Variants in DNAJC5B observed in about 807,000 individuals in gnomAD.
The protein encoded by DNAJC5B is DnaJ heat shock protein family (Hsp40) member C5 beta.
DNAJC5B carries 23 observed loss-of-function variants against 24.7 expected under a neutral mutation model. That is an observed-to-expected ratio of 0.93 (90% CI 0.67 to 1.32). DNAJC5B has a LOEUF of 1.32. Ranked by LOEUF, DNAJC5B falls within the 40% of genes most tolerant of loss-of-function variation. The pLI, the probability that DNAJC5B is intolerant of heterozygous loss-of-function variation, is 0.00. For synonymous variants in DNAJC5B, 101 were observed against 90.1 expected, an observed-to-expected ratio of 1.12 and a Z score of -0.68; for missense variants, 238 against 240.8, an observed-to-expected ratio of 0.99 and a Z score of 0.08.
chr8:66,040,230 A>T (rs1806578687), intron 1 of DNAJC5B, among the ~76,000 whole-genome samples: 1 of 150,962 alleles, frequency 6.6e-6, no homozygotes, highest in South Asian at 2.1e-4. Context: ...TCTCTATTAA[A>T]ATACAAAAAA....
chr8:66,042,567 T>G (rs528436584), intron 1 of DNAJC5B, among the ~76,000 whole-genome samples: 1 of 152,252 alleles, frequency 6.6e-6, no homozygotes, highest in South Asian at 2.1e-4. Flanking sequence ...TATTTCATTC[T>G]AAATTTGTTT....
chr8:66,031,711 G>A (rs1193825431), intron 1 of DNAJC5B, among the ~76,000 whole-genome samples: 2 of 152,192 alleles, frequency 1.3e-5, no homozygotes, highest in Non-Finnish European at 2.9e-5. Context: ...CAGTAAGGCA[G>A]GAGGGTCAAT....
rs1806658421 is a variant in DNAJC5B at position 66,043,546 on chromosome 8, T to G, written c.-83T>G. ...GAAAAGTAACCTGACTCTATTGACC[T>G]GCTTAACCCTGCATGGGGGGGAAGG... is the stretch of plus-strand genomic sequence containing the variant. On this transcript the variant is annotated 5_prime_UTR_variant, in exon 2 of 6. Coordinates refer to ENST00000276570, the MANE Select transcript of DNAJC5B (RefSeq NM_033105.6). The G allele has an allele frequency of 6.6e-6, 1 of 152,256 alleles. No homozygotes were observed. Among genetic ancestry groups the G allele is most frequent in the Admixed American group, 6.5e-5 (1 of 15,284 alleles). The allele number at this position is 152,256 out of a possible 1,614,324, so 9.4% of individuals were successfully genotyped here.
chr8:66,035,489 C>T (rs962544476), intron 1 of DNAJC5B, among the ~76,000 whole-genome samples: 1 of 152,156 alleles, frequency 6.6e-6, no homozygotes, highest in East Asian at 1.9e-4. Flanking sequence ...GAGAGATACA[C>T]ACAGAGTGGG....
intron 4 of DNAJC5B, among the ~76,000 whole-genome samples, chr8:66,078,684 G>A (rs988475039): frequency 6.6e-6 from 1 of 152,166 alleles, no homozygotes; most frequent in African/African-American, 2.4e-5. Context: ...TTAGTGAGGT[G>A]GCGGGTGTTG....
rs1807408137 is a variant in DNAJC5B, at chr8:66,073,977, C to A, written c.120-2683C>A. On this transcript the variant is annotated intron_variant, in intron 3 of 5. Coordinates refer to ENST00000276570, the MANE Select transcript of DNAJC5B (RefSeq NM_033105.6). The stretch of plus-strand genomic sequence containing the variant: ...AAGAATTTGTGATTACCAAGAGATA[C>A]CATAAAGTAAAACAACAAGAAAGCC... Among the ~76,000 whole-genome samples, 4 of 151,942 alleles carry A rather than the reference C, an allele frequency of 2.6e-5. No individual in the cohort carries two copies. In the South Asian group the frequency reaches 8.3e-4, roughly 32 times the overall value.
At chr8:66,044,673 A>C (rs1806687373) in intron 2 of DNAJC5B, among the ~76,000 whole-genome samples, 1 of 152,154 alleles carries the variant, frequency 6.6e-6, no homozygotes, top group African/African-American at 2.4e-5. Context: ...TATAGAGGTC[A>C]ATGGTTTTTG....
At chr8:66,044,780 C>T (rs1806689322) in intron 2 of DNAJC5B, among the ~76,000 whole-genome samples, 1 of 152,094 alleles carries the variant, frequency 6.6e-6, no homozygotes, top group South Asian at 2.1e-4. Context: ...CACTTAATGA[C>T]TTTTCTCGAC....
At chr8:66,016,402 G>A in the DNAJC5B span, among the ~76,000 whole-genome samples, 5 of 152,102 alleles carry the variant, frequency 3.3e-5, no homozygotes, top group African/African-American at 2.4e-5. Context: ...ATAAGCGTCC[G>A]GCATTTCCCC....
upstream of DNAJC5B, among the ~76,000 whole-genome samples, chr8:66,017,624 A>G (rs1017625898): frequency 6.6e-6 from 1 of 152,212 alleles, no homozygotes; most frequent in Non-Finnish European, 1.5e-5. Flanking sequence ...TAAAATCTCT[A>G]GCACTTAGTC....
At chr8:66,033,600 T>G (rs1360304465) in intron 1 of DNAJC5B, among the ~76,000 whole-genome samples, 1 of 152,094 alleles carries the variant, frequency 6.6e-6, no homozygotes, top group Non-Finnish European at 1.5e-5. Context: ...CTTGCTCTGC[T>G]CCCGAGCTGT....
intron 3 of DNAJC5B, among the ~76,000 whole-genome samples, chr8:66,074,642 A>T (rs1365652234): frequency 2.6e-5 from 4 of 152,212 alleles, no homozygotes; most frequent in African/African-American, 9.7e-5. Context: ...GCCTTTAACA[A>T]TGGATAGGTG....
chr8:66,042,580 G>GTT (rs1217053684), intron 1 of DNAJC5B, among the ~76,000 whole-genome samples: 2 of 146,500 alleles, frequency 1.4e-5, no homozygotes, highest in Non-Finnish European at 1.5e-5. Context: ...ATTTGTTTGT[G>GTT]TTTCTTCTTC....
chr8:66,032,229 G>T (rs1563585990), intron 1 of DNAJC5B, among the ~76,000 whole-genome samples: 1 of 152,216 alleles, frequency 6.6e-6, no homozygotes, highest in African/African-American at 2.4e-5. Context: ...GCTCCCCACA[G>T]GCCCTGAGGG....
At chr8:66,075,635 T>C (rs1807445474) in intron 3 of DNAJC5B, among the ~76,000 whole-genome samples, 1 of 152,206 alleles carries the variant, frequency 6.6e-6, no homozygotes, top group Non-Finnish European at 1.5e-5. Context: ...ACACGAACCA[T>C]CATTGTTTGA....
chr8:66,039,849 C>G (rs1036705779), intron 1 of DNAJC5B, among the ~76,000 whole-genome samples: 14 of 152,180 alleles, frequency 9.2e-5, no homozygotes, highest in Admixed American at 9.2e-4. Context: ...GGAATGAAAT[C>G]TATCAGGATT....
intron 3 of DNAJC5B, among the ~76,000 whole-genome samples, chr8:66,060,141 T>C (rs1362802989): frequency 6.6e-6 from 1 of 152,206 alleles, no homozygotes; most frequent in Admixed American, 6.5e-5. Flanking sequence ...TCTGTTTTTC[T>C]CTAGGACCCA....
At chr8:66,089,637 A>G (rs983888970) in intron 5 of DNAJC5B, among the ~76,000 whole-genome samples, 13 of 152,268 alleles carry the variant, frequency 8.5e-5, no homozygotes, top group South Asian at 2.1e-4. Context: ...ATACCTTTTG[A>G]TGATACAAAA....
intron 2 of DNAJC5B, among the ~76,000 whole-genome samples, chr8:66,044,580 A>G (rs1806685110): frequency 6.6e-6 from 1 of 152,098 alleles, no homozygotes; most frequent in South Asian, 2.1e-4. Context: ...GTCAGTGCCT[A>G]TTGTCATTGG....
Sources: gnomAD v4.1 joint callset for allele counts (sites outside exome capture counted in the v4.1 genomes callset) on GRCh38, gnomAD v4.1.1 for gene constraint, MANE v1.5 for transcripts, NCBI Gene and HGNC (gene_info 2026-07-23, HGNC 2026-07-21) for gene names.